Variants in NT5C2 observed in about 807,000 individuals in gnomAD.
NT5C2 encodes the protein 5'-nucleotidase, cytosolic II, also known as cytosolic purine 5'-nucleotidase.
A neutral mutation model predicts 76.1 loss-of-function variants in NT5C2; 58 were observed. The ratio of observed to expected loss-of-function variants is 0.76; its 90% CI spans 0.62 to 0.95. The LOEUF (loss-of-function observed/expected upper bound fraction) is 0.95. Among genes scored for constraint, NT5C2 ranks in the 40% least tolerant of loss-of-function variants. NT5C2 has a pLI of 0.00. For synonymous variants in NT5C2, 229 were observed against 237.4 expected, an observed-to-expected ratio of 0.96 and a Z score of 0.32; for missense variants, 478 against 690.3, an observed-to-expected ratio of 0.69 and a Z score of 3.45.
chr10:103,165,287 A>G (rs1052764717), intron 3 of NT5C2, among the ~76,000 whole-genome samples: 2 of 152,112 alleles, frequency 1.3e-5, no homozygotes, highest in Non-Finnish European at 2.9e-5. Flanking sequence ...TGAGGTCAGG[A>G]GTTCAAGGCC....
chr10:103,148,341 G>A (rs1279410242), intron 3 of NT5C2, among the ~76,000 whole-genome samples: 2 of 152,152 alleles, frequency 1.3e-5, no homozygotes, highest in East Asian at 1.9e-4. Context: ...GGTGGCTCAC[G>A]CCTGTAATCC....
In NT5C2 at chr10:103,106,776, A is replaced by C. The variant is rs879209947; in HGVS notation, c.176-70T>G. 4 of 942,588 alleles carry C rather than the reference A, an allele frequency of 4.2e-6. No individual in the cohort carries two copies. The South Asian group carries it at 5.6e-5, about 13-fold the overall frequency. The allele number at this position is 942,588 out of a possible 1,614,324, so 58.4% of individuals were successfully genotyped here. ...AATTAAAACAGAATGCAAATGAATG[A>C]ATTTCTGCTCTTTCCCAGTTCTTCC... On this transcript the variant is annotated intron_variant, in intron 4 of 18. Transcript: ENST00000404739.
intron 2 of NT5C2, among the ~76,000 whole-genome samples, chr10:103,179,045 T>G (rs930974626): frequency 6.8e-6 from 1 of 146,330 alleles, no homozygotes; most frequent in African/African-American, 2.5e-5. Flanking sequence ...ACCTCCCAGG[T>G]TCAAGCGATT....
At chr10:103,129,558 C>G (rs1190967606) in intron 4 of NT5C2, among the ~76,000 whole-genome samples, 1 of 115,486 alleles carries the variant, frequency 8.7e-6, no homozygotes. Flanking sequence ...CCAGCCGCCC[C>G]GTCCGGGAGG....
chr10:103,099,638 C>A (rs2069056953), intron 9 of NT5C2, among the ~76,000 whole-genome samples: 1 of 152,082 alleles, frequency 6.6e-6, no homozygotes, highest in East Asian at 1.9e-4. Flanking sequence ...CTGTCATCCA[C>A]AAAGGATATG....
chr10:103,120,407 G>A (rs1264078695), intron 4 of NT5C2, among the ~76,000 whole-genome samples: 1 of 152,134 alleles, frequency 6.6e-6, no homozygotes, highest in Non-Finnish European at 1.5e-5. Context: ...TTAATATCCA[G>A]AATATATAAA....
At chr10:103,094,208 G>A (rs1240267864) in intron 13 of NT5C2, 140 bp downstream of exon 13, 6 of 681,050 alleles carry the variant, frequency 8.8e-6, no homozygotes, top group African/African-American at 2.0e-5. Flanking sequence ...TTTCAGTTAA[G>A]ACCAAAACTC....
At chr10:103,106,799 T>A in intron 4 of NT5C2, 93 bp from the exon 5 acceptor site, 1 of 802,614 alleles carries the variant, frequency 1.2e-6, no homozygotes, top group Non-Finnish European at 2.2e-6. Context: ...TCCCAGTTCT[T>A]CCCCCCTCCT....
At chr10:103,130,286 G>A (rs2077878036) in intron 4 of NT5C2, among the ~76,000 whole-genome samples, 1 of 151,884 alleles carries the variant, frequency 6.6e-6, no homozygotes, top group East Asian at 1.9e-4. Context: ...AACATGCGCT[G>A]TGTCCACTCA....
Position 103,106,580 on chromosome 10 carries a change from A to C in NT5C2, c.293+9T>G. ...CTAGTCTTAATCCAAAAATATCTTT[A>C]AAAATTACCTGGTAGGGAATGTAGA... On this transcript the variant is annotated intron_variant, in intron 5 of 18. Coordinates refer to ENST00000404739, the MANE Select transcript of NT5C2 (RefSeq NM_001351169.2). The C allele has an allele frequency of 6.4e-7, 1 of 1,551,642 alleles. No homozygotes were observed. The highest frequency in any genetic ancestry group is 8.9e-7 in the Non-Finnish European group (1 of 1,123,552).
chr10:103,090,243 G>T (rs1590580961), intron 18 of NT5C2: 2 of 321,022 alleles, frequency 6.2e-6, no homozygotes, highest in East Asian at 1.1e-4. Flanking sequence ...TTCTTGAGAT[G>T]GTCTCTCGCT....
At chr10:103,125,250 C>T in intron 4 of NT5C2, 1 of 725,828 alleles carries the variant, frequency 1.4e-6, no homozygotes, top group Non-Finnish European at 2.3e-6. Context: ...CTGTGATCAT[C>T]AATGATTTCA....
intron 3 of NT5C2, among the ~76,000 whole-genome samples, chr10:103,174,120 T>A (rs2134795008): frequency 6.7e-6 from 1 of 149,482 alleles, no homozygotes; most frequent in South Asian, 2.1e-4. Flanking sequence ...AAAAAATTCA[T>A]TCTTGGCAGG....
chr10:103,097,461 A>C lies in NT5C2; in HGVS notation c.688-87T>G, dbSNP rs10786737. On this transcript the variant is annotated intron_variant, in intron 10 of 18. Coordinates refer to ENST00000404739, the MANE Select transcript of NT5C2 (RefSeq NM_001351169.2). ...TGTCAAATACTGGATTTCTGTCCACAACAGGAATGGGGGAACCTTTTAAGG... is the reference window on the plus strand; with the variant it reads ...TGTCAAATACTGGATTTCTGTCCACCACAGGAATGGGGGAACCTTTTAAGG... 0.16 allele frequency: 174,259 copies of C among 1,120,990 alleles called. 14,275 individuals are homozygous for C. The highest frequency in any genetic ancestry group is 0.16 in the Non-Finnish European group (120,789 of 741,404). 69.4% of individuals were successfully genotyped at this position (1,120,990 alleles called of 1,614,324 possible).
chr10:103,159,292 C>CA (rs35464534), intron 3 of NT5C2, among the ~76,000 whole-genome samples: 1 of 143,582 alleles, frequency 7.0e-6, no homozygotes, highest in Non-Finnish European at 1.5e-5. Flanking sequence ...CACACACACA[C>CA]AATTAGAGCT....
rs1464308152 is a variant in NT5C2, at chr10:103,183,257, T to C, written c.-168-1929A>G. Among the ~76,000 whole-genome samples, 10 of 70,878 alleles carry C rather than the reference T, an allele frequency of 1.4e-4. No homozygotes were observed. The Admixed American group carries it at 1.6e-3, about 11-fold the overall frequency. 46.5% of individuals were successfully genotyped at this position (70,878 alleles called of 152,430 possible). On this transcript the variant is annotated intron_variant, in intron 1 of 18. Transcript: ENST00000404739. ...GAAAGGAGATATATATATATGTGTGTGTGTGATATATATATATATATATAT... is the reference window on the plus strand; with the variant it reads ...GAAAGGAGATATATATATATGTGTGCGTGTGATATATATATATATATATAT...
intron 3 of NT5C2, among the ~76,000 whole-genome samples, chr10:103,163,392 C>T (rs967794247): frequency 2.6e-5 from 4 of 152,104 alleles, no homozygotes; most frequent in South Asian, 4.1e-4. Context: ...TCTCTGTTCA[C>T]GAGCAATGTA....
chr10:103,166,194 T>C (rs1165463775), intron 3 of NT5C2, among the ~76,000 whole-genome samples: 3 of 152,258 alleles, frequency 2.0e-5, no homozygotes, highest in Non-Finnish European at 4.4e-5. Context: ...TCTGTGTATG[T>C]GTAGATTAAT....
intron 3 of NT5C2, among the ~76,000 whole-genome samples, chr10:103,147,788 T>C (rs970646541): frequency 1.3e-5 from 2 of 152,132 alleles, no homozygotes; most frequent in Admixed American, 6.6e-5. Flanking sequence ...AGAAACTTAA[T>C]AGGGGTTTGT....
Sources: gnomAD v4.1 joint callset for allele counts (sites outside exome capture counted in the v4.1 genomes callset) on GRCh38, gnomAD v4.1.1 for gene constraint, MANE v1.5 for transcripts, NCBI Gene and HGNC (gene_info 2026-07-23, HGNC 2026-07-21) for gene names.